The following ADGB variants were observed in gnomAD, a reference collection of about 807,000 sequenced individuals.
The protein encoded by ADGB is calpain-7-like protein.
A neutral mutation model predicts 210.5 loss-of-function variants in ADGB; 172 were observed. That is an observed-to-expected ratio of 0.82 (90% CI 0.72 to 0.93). The LOEUF is 0.93. Ranked by LOEUF, ADGB falls within the 40% of genes least tolerant of loss-of-function variation. The pLI, the probability that ADGB is intolerant of heterozygous loss-of-function variation, is 0.00. For missense variants in ADGB, 2,025 were observed against 1,964.8 expected, an observed-to-expected ratio of 1.03 and a Z score of -0.58; for synonymous variants, 658 against 662.7, an observed-to-expected ratio of 0.99 and a Z score of 0.11.
At chr6:146,656,690 T>A in intron 4 of ADGB, 81 bp from the exon 5 acceptor site, 2 of 964,560 alleles carry the variant, frequency 2.1e-6, no homozygotes, top group East Asian at 2.7e-5. Flanking sequence ...TGGAAGTGGA[T>A]TTTTTTACTG....
At chr6:146,736,157 G>T (rs116490841) in intron 22 of ADGB, among the ~76,000 whole-genome samples, 36 of 152,222 alleles carry the variant, frequency 2.4e-4, no homozygotes, top group African/African-American at 8.2e-4. Flanking sequence ...AAATTGGATG[G>T]ATTACTTTTT....
intron 5 of ADGB, among the ~76,000 whole-genome samples, chr6:146,661,133 A>C (rs1365267937): frequency 1.3e-5 from 2 of 151,950 alleles, no homozygotes; most frequent in Non-Finnish European, 2.9e-5. Context: ...GAATATAAAT[A>C]CTTTACCACC....
At chr6:146,677,265 T>C (rs919576116) in intron 9 of ADGB, among the ~76,000 whole-genome samples, 27 of 152,290 alleles carry the variant, frequency 1.8e-4, no homozygotes, top group African/African-American at 5.3e-4. Flanking sequence ...AGAGTGTCTC[T>C]TTTGAGTCTC....
In ADGB at chr6:146,682,640, C is replaced by T. The variant is rs372837642; in HGVS notation, c.1217-3094C>T. Among the ~76,000 whole-genome samples the T allele has an allele frequency of 1.1e-3, 168 of 151,980 alleles. 1 individual carries two copies. The highest frequency in any genetic ancestry group is 4.0e-3 in the African/African-American group (164 of 41,464). ...AGTTCACTGAAAGAAATTATAGAGC[C>T]CCTAGATTTAAACATTTGCCTTTAA... On this transcript the variant is annotated intron_variant, in intron 9 of 35. Coordinates refer to ENST00000397944, the MANE Select transcript of ADGB (RefSeq NM_024694.4).
chr6:146,625,358 C>T (rs766911886), intron 1 of ADGB, among the ~76,000 whole-genome samples: 6 of 151,918 alleles, frequency 3.9e-5, no homozygotes, highest in Non-Finnish European at 8.8e-5. Flanking sequence ...TTTCTGAAAT[C>T]TACTTTTTAT....
At chr6:146,637,490 C>T (rs1178843065) in intron 2 of ADGB, among the ~76,000 whole-genome samples, 5 of 151,944 alleles carry the variant, frequency 3.3e-5, no homozygotes, top group South Asian at 4.1e-4. Context: ...AAATAAAAAA[C>T]GATTTAATGG....
chr6:146,752,507 AT>A (rs1323381969), intron 26 of ADGB, 22 bp from the exon 27 acceptor site: 1 of 1,418,964 alleles, frequency 7.0e-7, no homozygotes, highest in African/African-American at 1.7e-5. Flanking sequence ...CTTGCTTATA[AT>A]GTTAACTTTT....
intron 10 of ADGB, among the ~76,000 whole-genome samples, chr6:146,689,658 A>G (rs900669950): frequency 1.3e-5 from 2 of 152,140 alleles, no homozygotes; most frequent in African/African-American, 4.8e-5. Flanking sequence ...GAACTTATTC[A>G]ACTTTTAAAT....
Position 146,764,211 on chromosome 6 carries a change from T to C in ADGB, c.3750+111T>C. The stretch of plus-strand genomic sequence containing the variant: ...TACAGTGTGCAGTGCTGCCAATGTA[T>C]AGCCAGAATTGGAGAATAAGAGAGT... On this transcript the variant is annotated intron_variant, in intron 28 of 35. Coordinates refer to ENST00000397944, the MANE Select transcript of ADGB (RefSeq NM_024694.4). 3.4e-6 allele frequency: 3 copies of C among 881,038 alleles called. No homozygotes were observed. The East Asian group carries it at 8.0e-5, about 24-fold the overall frequency. The allele number at this position is 881,038 out of a possible 1,614,324, so 54.6% of individuals were successfully genotyped here.
At chr6:146,757,255 A>G (rs1285047377) in intron 27 of ADGB, among the ~76,000 whole-genome samples, 1 of 151,888 alleles carries the variant, frequency 6.6e-6, no homozygotes, top group African/African-American at 2.4e-5. Flanking sequence ...TTGCTATTTT[A>G]GAATAAACCC....
intron 8 of ADGB, among the ~76,000 whole-genome samples, chr6:146,673,370 A>T (rs1776042364): frequency 6.6e-6 from 1 of 152,146 alleles, no homozygotes; most frequent in Admixed American, 6.5e-5. Flanking sequence ...TATTCTTAAG[A>T]TGGAGCTGAA....
intron 3 of ADGB, among the ~76,000 whole-genome samples, chr6:146,651,432 A>G (rs566528863): frequency 3.3e-5 from 5 of 152,310 alleles, no homozygotes; most frequent in African/African-American, 1.2e-4. Context: ...AACTTTATTC[A>G]AATGCTAGAA....
At chr6:146,791,505 G>T (rs1265612683) in intron 33 of ADGB, among the ~76,000 whole-genome samples, 1 of 151,760 alleles carries the variant, frequency 6.6e-6, no homozygotes, top group Non-Finnish European at 1.5e-5. Context: ...CACCATTTCT[G>T]GTGAATATTT....
At chr6:146,808,608 C>G (rs766024126) in intron 35 of ADGB, among the ~76,000 whole-genome samples, 1 of 152,226 alleles carries the variant, frequency 6.6e-6, no homozygotes, top group Non-Finnish European at 1.5e-5. Flanking sequence ...TATCTCAAAA[C>G]TCTCATAGTA....
At chr6:146,793,150 C>T (rs151196732) in intron 33 of ADGB, among the ~76,000 whole-genome samples, 18 of 152,292 alleles carry the variant, frequency 1.2e-4, no homozygotes, top group East Asian at 1.9e-4. Flanking sequence ...ATCCTCCCCA[C>T]GATTGGCTAC....
intron 29 of ADGB, among the ~76,000 whole-genome samples, chr6:146,769,864 C>T (rs1206424096): frequency 6.6e-6 from 1 of 152,216 alleles, no homozygotes; most frequent in Non-Finnish European, 1.5e-5. Flanking sequence ...AACCTGAGTT[C>T]AAACACTTGA....
At chr6:146,618,344 T>G (rs1780834744) in intron 1 of ADGB, among the ~76,000 whole-genome samples, 1 of 151,886 alleles carries the variant, frequency 6.6e-6, no homozygotes, top group South Asian at 2.1e-4. Context: ...TTTTGTGGAT[T>G]TTTTGTATAT....
In ADGB at chr6:146,717,613, A is replaced by T; in HGVS notation, c.1992+14A>T. The T allele has an allele frequency of 7.4e-7, 1 of 1,351,930 alleles. No individual in the cohort carries two copies. The highest frequency in any genetic ancestry group is 1.0e-6 in the Non-Finnish European group (1 of 990,916). 83.7% of individuals were successfully genotyped at this position (1,351,930 alleles called of 1,614,324 possible). A position where few individuals can be genotyped will look rare whatever the true frequency, so the allele number is the denominator to read the frequency against. ...TCAGAATTTAAGGTAAGTATGTTAGAATCTTTTCTATTCTCTTTAAATTTT... is the reference window on the plus strand; with the variant it reads ...TCAGAATTTAAGGTAAGTATGTTAGTATCTTTTCTATTCTCTTTAAATTTT... On this transcript the variant is annotated intron_variant, in intron 16 of 35. Transcript: ENST00000397944.
Position 146,728,708 on chromosome 6 carries a change from C to T in ADGB, c.2487C>T (p.Phe829=). The change falls in exon 20 of 36, where the codon TTC becomes TTT. Residue 829 remains phenylalanine, a synonymous_variant. Transcript: ENST00000397944. ...AAACAGCTCACTACCCTGTCCCCTTCCATGATAAAGAACTAACTGCACAGC... is the reference window on the plus strand; with the variant it reads ...AAACAGCTCACTACCCTGTCCCCTTTCATGATAAAGAACTAACTGCACAGC... ...DLQTAHYPVP[F]HDKELTAQHF... The T allele has an allele frequency of 6.4e-7, 1 of 1,550,908 alleles. No individual in the cohort carries two copies. The highest frequency in any genetic ancestry group is 1.2e-5 in the South Asian group (1 of 83,944).
Sources: gnomAD v4.1 joint callset for allele counts (sites outside exome capture counted in the v4.1 genomes callset) on GRCh38, gnomAD v4.1.1 for gene constraint, MANE v1.5 for transcripts, NCBI Gene and HGNC (gene_info 2026-07-23, HGNC 2026-07-21) for gene names.